Variants in ANPEP observed in about 807,000 individuals in gnomAD.
The protein encoded by ANPEP is aminopeptidase N.
In ANPEP, 70 loss-of-function variants were observed where a neutral mutation model predicts 114.6. That is an observed-to-expected ratio of 0.61 (90% CI 0.50 to 0.75). The LOEUF is 0.75. Ranked by LOEUF, ANPEP falls within the 30% of genes least tolerant of loss-of-function variation. The pLI, the probability that ANPEP is intolerant of heterozygous loss-of-function variation, is 0.00. For missense variants in ANPEP, 1,184 were observed against 1,259.5 expected (o/e 0.94, Z 0.91); for synonymous variants, 548 against 522.3 (o/e 1.05, Z -0.67).
In ANPEP at chr15:89,799,091, G is replaced by A. The variant is rs946532592; in HGVS notation, c.2009+169C>T. Among the ~76,000 whole-genome samples the A allele has an allele frequency of 2.6e-5, 4 of 152,212 alleles. No individual in the cohort carries two copies. The highest frequency in any genetic ancestry group is 2.0e-4 in the Admixed American group (3 of 15,282). On this transcript the variant is annotated intron_variant, in intron 14 of 20. Transcript: ENST00000300060. This position sits in a 1 kb window ranked among gnomAD's most constrained non-coding sequence, Gnocchi z 4.2. ...GCAAGGTGTCACATTCTTCATCTGT[G>A]AAATGGGTGTGTGGGGACCCAGGGA...
At position 89,805,065 on chromosome 15, in the gene ANPEP, C is replaced by T; in HGVS notation, c.897+13G>A. On this transcript the variant is annotated intron_variant, in intron 4 of 20. Coordinates refer to ENST00000300060, the MANE Select transcript of ANPEP (RefSeq NM_001150.3). Reference sequence around the variant, plus strand: ...CCAGCCCACGTGAAGGAGAGATGGGCCCAGCCTCATACCAAGACACCATTG... The same window carrying T: ...CCAGCCCACGTGAAGGAGAGATGGGTCCAGCCTCATACCAAGACACCATTG... The T allele has an allele frequency of 6.2e-7, 1 of 1,614,180 alleles. No individual in the cohort carries two copies. Among genetic ancestry groups the T allele is most frequent in the East Asian group, 2.2e-5 (1 of 44,884 alleles).
At chr15:89,787,688 G>A (rs940988492) in intron 20 of ANPEP, among the ~76,000 whole-genome samples, 10 of 152,180 alleles carry the variant, frequency 6.6e-5, no homozygotes. Flanking sequence ...GCAAAAGACT[G>A]GGCACAGTGG....
chr15:89,811,516 G>A (rs755153501), intron 1 of ANPEP, among the ~76,000 whole-genome samples: 1 of 151,674 alleles, frequency 6.6e-6, no homozygotes, highest in Non-Finnish European at 1.5e-5. Flanking sequence ...CGTGGTGGTG[G>A]GCGCCTGTAA....
At chr15:89,785,801 A>T (rs912333657) in intron 20 of ANPEP, among the ~76,000 whole-genome samples, 1 of 152,260 alleles carries the variant, frequency 6.6e-6, no homozygotes, top group African/African-American at 2.4e-5. Flanking sequence ...TGAAGCAACC[A>T]GCCAAATCTA....
chr15:89,790,373 C>T, intron 20 of ANPEP, 87 bp downstream of exon 20: 1 of 1,305,706 alleles, frequency 7.7e-7, no homozygotes, highest in South Asian at 1.2e-5. Context: ...CCTGTGCTCC[C>T]TCAGGGCCAC....
intron 15 of ANPEP, among the ~76,000 whole-genome samples, chr15:89,796,248 T>G (rs1968723878): frequency 6.6e-6 from 1 of 152,198 alleles, no homozygotes; most frequent in Non-Finnish European, 1.5e-5. Flanking sequence ...ACCTATTGTG[T>G]GATACATTTG....
At position 89,785,260 on chromosome 15, in the gene ANPEP, G is replaced by T; in HGVS notation, c.*89C>A. On this transcript the variant is annotated 3_prime_UTR_variant, in exon 21 of 21. Coordinates refer to ENST00000300060, the MANE Select transcript of ANPEP (RefSeq NM_001150.3). The stretch of plus-strand genomic sequence containing the variant: ...TGAGGGGAGGACACTGGTGCCTCGG[G>T]CTCCAGGAATGGAGGCCCTGCACCA... 1 of 1,528,214 alleles carries T rather than the reference G, an allele frequency of 6.5e-7. No homozygotes were observed. The highest frequency in any genetic ancestry group is 1.2e-5 in the South Asian group (1 of 85,098). The allele number at this position is 1,528,214 out of a possible 1,614,324, so 94.7% of individuals were successfully genotyped here. A position where few individuals can be genotyped will look rare whatever the true frequency, so the allele number is the denominator to read the frequency against.
chr15:89,812,906 C>A (rs1056763790), intron 1 of ANPEP, among the ~76,000 whole-genome samples: 1 of 152,146 alleles, frequency 6.6e-6, no homozygotes, highest in African/African-American at 2.4e-5. Context: ...AGAAGACACG[C>A]ACCCATTTGG....
intron 20 of ANPEP, among the ~76,000 whole-genome samples, chr15:89,786,831 C>G (rs1452803290): frequency 2.6e-5 from 4 of 151,946 alleles, no homozygotes; most frequent in African/African-American, 9.7e-5. Context: ...AATCCAAAAA[C>G]AAACCCTTAT....
At position 89,806,848 on chromosome 15, in the gene ANPEP, C is replaced by T. The variant is rs1298716345; in HGVS notation, c.-223-42G>A. The T allele has an allele frequency of 6.3e-6, 3 of 476,148 alleles. No individual in the cohort carries two copies. Among genetic ancestry groups the T allele is most frequent in the East Asian group, 3.7e-5 (1 of 27,240 alleles). The allele number at this position is 476,148 out of a possible 1,614,324, so 29.5% of individuals were successfully genotyped here. A position where few individuals can be genotyped will look rare whatever the true frequency, so the allele number is the denominator to read the frequency against. ...GTGTCTGGTTACAGGCTGCAGGCGG[C>T]CTGGGATCAGGCCCGAGGGCTGAAG... On this transcript the variant is annotated intron_variant, in intron 1 of 20. Coordinates refer to ENST00000300060, the MANE Select transcript of ANPEP (RefSeq NM_001150.3). The surrounding 1 kb of genome is among the most constrained non-coding windows in gnomAD (Gnocchi z 5.7).
intron 1 of ANPEP, among the ~76,000 whole-genome samples, chr15:89,808,271 A>G (rs1480818084): frequency 6.6e-6 from 1 of 152,034 alleles, no homozygotes; most frequent in African/African-American, 2.4e-5. Context: ...TCCATCCTAC[A>G]AGTCTTCCGC....
intron 20 of ANPEP, among the ~76,000 whole-genome samples, chr15:89,787,517 T>C (rs969086073): frequency 1.3e-5 from 2 of 152,204 alleles, no homozygotes; most frequent in African/African-American, 4.8e-5. Context: ...TAGGATTTCA[T>C]CAAGATTTAA....
chr15:89,792,170 T>C lies in ANPEP; in HGVS notation c.2518A>G (p.Ile840Val), dbSNP rs1968640971. The C allele has an allele frequency of 6.2e-7, 1 of 1,614,048 alleles. No homozygotes were observed. Among genetic ancestry groups the C allele is most frequent in the South Asian group, 1.1e-5 (1 of 91,072 alleles). ...AALACSKELW[I>V]LNRYLSYTLN... ...TGCGCCAAGACTCACCTGTTCAGGATCCACAACTCTTTGCTGCAGGCCAGG... is the reference window on the plus strand; with the variant it reads ...TGCGCCAAGACTCACCTGTTCAGGACCCACAACTCTTTGCTGCAGGCCAGG... The change falls in exon 18 of 21, where the codon ATC becomes GTC. Residue 840 changes from isoleucine (I) to valine (V), a missense_variant. By Grantham distance (29) the Ile-to-Val change is conservative. Coordinates refer to ENST00000300060, the MANE Select transcript of ANPEP (RefSeq NM_001150.3).
chr15:89,793,145 G>T lies in ANPEP; in HGVS notation c.2158-19C>A. 22 of 1,601,892 alleles carry T rather than the reference G, an allele frequency of 1.4e-5. No homozygotes were observed. Among genetic ancestry groups the T allele is most frequent in the Non-Finnish European group, 1.8e-5 (21 of 1,169,128 alleles). On this transcript the variant is annotated intron_variant, in intron 15 of 20. Transcript: ENST00000300060. Reference sequence around the variant, plus strand: ...GGTAGTTCTGGGGAAAAGAAAATATGAATCTCATCAAAGACTCATGCCTGA... The same window carrying T: ...GGTAGTTCTGGGGAAAAGAAAATATTAATCTCATCAAAGACTCATGCCTGA...
chr15:89,792,021 C>T (rs1388254657), intron 18 of ANPEP, 139 bp downstream of exon 18: 19 of 1,027,214 alleles, frequency 1.8e-5, no homozygotes, highest in East Asian at 7.8e-5. Flanking sequence ...CAGTCTGCAC[C>T]GGTTACTTTG....
chr15:89,801,249 G>T, intron 11 of ANPEP, 62 bp from the exon 12 acceptor site: 1 of 1,581,856 alleles, frequency 6.3e-7, no homozygotes, highest in Non-Finnish European at 8.7e-7. Flanking sequence ...GTGAGGAGCA[G>T]CTGCCCAGGC....
Position 89,801,043 on chromosome 15 carries a change from T to C in ANPEP, c.1819+68A>G, listed in dbSNP as rs1322381366. The C allele has an allele frequency of 4.2e-6, 6 of 1,431,536 alleles. No homozygotes were observed. The East Asian group carries it at 1.4e-4, about 33-fold the overall frequency. The allele number at this position is 1,431,536 out of a possible 1,614,324, so 88.7% of individuals were successfully genotyped here. A position where few individuals can be genotyped will look rare whatever the true frequency, so the allele number is the denominator to read the frequency against. On this transcript the variant is annotated intron_variant, in intron 12 of 20. Transcript: ENST00000300060. ...TGAATGGAATGGCCCATCACAGCCC[T>C]CAGAACATGGGCCAGGAGCTAGGAG...
chr15:89,804,147 C>T (rs904822251), intron 6 of ANPEP, 106 bp downstream of exon 6: 18 of 1,565,998 alleles, frequency 1.1e-5, no homozygotes, highest in East Asian at 4.5e-5. Flanking sequence ...CCCTGCCAGG[C>T]GGCACCCTCC....
At position 89,792,070 on chromosome 15, in the gene ANPEP, C is replaced by T. The variant is rs985384911; in HGVS notation, c.2528+90G>A. The T allele has an allele frequency of 1.4e-5, 20 of 1,459,068 alleles. No individual in the cohort carries two copies. The African/African-American group carries it at 1.7e-4, about 12-fold the overall frequency. The allele number at this position is 1,459,068 out of a possible 1,614,324, so 90.4% of individuals were successfully genotyped here. A position where few individuals can be genotyped will look rare whatever the true frequency, so the allele number is the denominator to read the frequency against. ...CACCTCAACAGGTCTGTGGGGGTCA[C>T]GTGAAGGATCTGGCGAGGAGTGTGG... On this transcript the variant is annotated intron_variant, in intron 18 of 20. Coordinates refer to ENST00000300060, the MANE Select transcript of ANPEP (RefSeq NM_001150.3).
Sources: gnomAD v4.1 joint callset for allele counts (sites outside exome capture counted in the v4.1 genomes callset) on GRCh38, gnomAD v4.1.1 for gene constraint, Gnocchi (gnomAD v3.1) non-coding constraint, MANE v1.5 for transcripts, NCBI Gene and HGNC (gene_info 2026-07-23, HGNC 2026-07-21) for gene names.